Variants in EYS observed in about 807,000 individuals in gnomAD.
EYS encodes EGF-like photoreceptor maintenance factor.
In EYS, 250 loss-of-function variants were observed where a neutral mutation model predicts 282.1. That is an observed-to-expected ratio of 0.89 (90% CI 0.80 to 0.98). The LOEUF (loss-of-function observed/expected upper bound fraction) is 0.98. Ranked by LOEUF, EYS falls within the 50% of genes least tolerant of loss-of-function variation. The pLI is 0.00. For missense variants in EYS, 4,016 were observed against 3,709.0 expected, an observed-to-expected ratio of 1.08 and a Z score of -2.15; for synonymous variants, 1,355 against 1,282.9, an observed-to-expected ratio of 1.06 and a Z score of -1.20.
chr6:65,145,306 A>G lies in EYS; in HGVS notation c.2024-87579T>C, dbSNP rs1017639509. Among the ~76,000 whole-genome samples the G allele has an allele frequency of 5.3e-5, 8 of 152,092 alleles. No individual in the cohort carries two copies. The South Asian group carries it at 1.0e-3, about 20-fold the overall frequency. On this transcript the variant is annotated intron_variant, in intron 12 of 42. Transcript: ENST00000503581. ...ATTGTTACTATTTTTTCTTTATGCC[A>G]CTGTTTTATGATAATAATTATATAT...
At chr6:63,777,957 T>TA (rs1433955244) in intron 40 of EYS, 49 bp downstream of exon 40, 7 of 1,489,174 alleles carry the variant, frequency 4.7e-6, no homozygotes, top group Non-Finnish European at 5.5e-6. Flanking sequence ...GAGTACCAGT[T>TA]AGAGTGCAAA....
At chr6:65,192,682 T>C (rs1247950642) in intron 12 of EYS, among the ~76,000 whole-genome samples, 1 of 151,794 alleles carries the variant, frequency 6.6e-6, no homozygotes, top group Non-Finnish European at 1.5e-5. Context: ...TATATTGGTG[T>C]TAAGAGATAG....
chr6:63,832,572 T>G (rs1488006141), intron 36 of EYS, among the ~76,000 whole-genome samples: 1 of 152,000 alleles, frequency 6.6e-6, no homozygotes, highest in African/African-American at 2.4e-5. Context: ...AGGCAATAAT[T>G]AATAGCCTAC....
intron 34 of EYS, among the ~76,000 whole-genome samples, chr6:63,987,116 A>T (rs2149793925): frequency 6.6e-6 from 1 of 151,838 alleles, no homozygotes; most frequent in South Asian, 2.1e-4. Flanking sequence ...TGAATATTTC[A>T]TAGAAGCTAA....
chr6:63,975,256 T>C (rs1196177308), intron 35 of EYS, among the ~76,000 whole-genome samples: 1 of 151,980 alleles, frequency 6.6e-6, no homozygotes, highest in Non-Finnish European at 1.5e-5. Flanking sequence ...CAAAATAATA[T>C]GTGGAAAAGG....
intron 30 of EYS, among the ~76,000 whole-genome samples, chr6:64,241,180 A>T (rs1373813001): frequency 6.6e-6 from 1 of 152,088 alleles, no homozygotes; most frequent in Non-Finnish European, 1.5e-5. Flanking sequence ...ATCGATGTTT[A>T]TCAGGGATAT....
chr6:64,177,973 G>T (rs1261743758), intron 31 of EYS, among the ~76,000 whole-genome samples: 1 of 152,050 alleles, frequency 6.6e-6, no homozygotes, highest in Non-Finnish European at 1.5e-5. Context: ...CTGTTATTTG[G>T]CTGGTTAATT....
intron 12 of EYS, among the ~76,000 whole-genome samples, chr6:65,092,674 C>A (rs1411187869): frequency 1.3e-5 from 2 of 152,112 alleles, no homozygotes; most frequent in South Asian, 4.1e-4. Flanking sequence ...CTTTATCCTG[C>A]ACATTTTGTG....
intron 14 of EYS, among the ~76,000 whole-genome samples, chr6:64,969,951 T>C (rs556577031): frequency 1.3e-5 from 2 of 152,300 alleles, no homozygotes; most frequent in African/African-American, 4.8e-5. Flanking sequence ...ATACCAATGA[T>C]TATAAAATCT....
chr6:64,014,840 T>A (rs1229897822), intron 33 of EYS, among the ~76,000 whole-genome samples: 1 of 152,064 alleles, frequency 6.6e-6, no homozygotes, highest in Non-Finnish European at 1.5e-5. Flanking sequence ...AACTGTCCTT[T>A]CTATACCCTT....
intron 8 of EYS, among the ~76,000 whole-genome samples, chr6:65,379,316 G>A (rs1765521825): frequency 6.6e-6 from 1 of 151,990 alleles, no homozygotes; most frequent in South Asian, 2.1e-4. Flanking sequence ...TTCAACATAT[G>A]CAAATCAATA....
At chr6:64,634,980 G>A (rs941124707) in intron 22 of EYS, among the ~76,000 whole-genome samples, 1 of 151,970 alleles carries the variant, frequency 6.6e-6, no homozygotes, top group Non-Finnish European at 1.5e-5. Context: ...CCATTTGTTT[G>A]TATCCTCTTT....
Position 64,522,259 on chromosome 6 carries a change from T to C in EYS, c.5644+67964A>G, listed in dbSNP as rs570509875. ...GAAACATAGTTTCATTTTATGTATT[T>C]TTTAGGGCAGATATCACCATATATC... is the stretch of plus-strand genomic sequence containing the variant. On this transcript the variant is annotated intron_variant, in intron 26 of 42. Coordinates refer to ENST00000503581, the MANE Select transcript of EYS (RefSeq NM_001142800.2). Among the ~76,000 whole-genome samples the C allele has an allele frequency of 7.0e-4, 107 of 151,922 alleles. 4 individuals carry two copies. In the South Asian group the frequency reaches 0.021, roughly 29 times the overall value.
chr6:64,236,238 G>A (rs1766602178), intron 30 of EYS, among the ~76,000 whole-genome samples: 1 of 152,148 alleles, frequency 6.6e-6, no homozygotes, highest in Non-Finnish European at 1.5e-5. Flanking sequence ...CTCCCAAAGG[G>A]CTGGGATTAC....
At chr6:64,675,242 C>T (rs1769610331) in intron 22 of EYS, among the ~76,000 whole-genome samples, 1 of 152,112 alleles carries the variant, frequency 6.6e-6, no homozygotes, top group South Asian at 2.1e-4. Flanking sequence ...CACTCCTACA[C>T]TCGGTATCTT....
intron 12 of EYS, among the ~76,000 whole-genome samples, chr6:65,059,979 A>G (rs1343432354): frequency 6.6e-6 from 1 of 152,034 alleles, no homozygotes; most frequent in Non-Finnish European, 1.5e-5. Flanking sequence ...TCTCTAGGTT[A>G]CTATTCTTAA....
chr6:64,685,591 CT>C (rs1770067563), intron 22 of EYS, among the ~76,000 whole-genome samples: 1 of 152,126 alleles, frequency 6.6e-6, no homozygotes, highest in Admixed American at 6.6e-5. Flanking sequence ...ATCTCTGCAC[CT>C]GCTGGCTCCC....
At chr6:63,911,121 TAAA>T (rs5876875) in intron 35 of EYS, among the ~76,000 whole-genome samples, 6 of 143,530 alleles carry the variant, frequency 4.2e-5, no homozygotes, top group African/African-American at 1.3e-4. Context: ...AGTCATTGGT[TAAA>T]AAAAAAAAAA....
intron 12 of EYS, among the ~76,000 whole-genome samples, chr6:65,283,491 T>A (rs2150277236): frequency 6.6e-6 from 1 of 152,066 alleles, no homozygotes. Flanking sequence ...CATCTTTTAT[T>A]TTTTCTATTT....
Sources: allele counts gnomAD v4.1 joint callset (sites outside exome capture counted in the v4.1 genomes callset), GRCh38; gene constraint gnomAD v4.1.1; transcripts MANE v1.5; gene names NCBI Gene and HGNC (gene_info 2026-07-23, HGNC 2026-07-21).